The following VGLL4 variants were observed in gnomAD, a reference collection of about 807,000 sequenced individuals.
VGLL4 encodes vestigial like family member 4.
VGLL4 carries 7 observed loss-of-function variants against 21.0 expected under a neutral mutation model. The observed-to-expected ratio is 0.33, with a 90% CI of 0.19 to 0.63. VGLL4 has a LOEUF of 0.63. Ranked by LOEUF, VGLL4 falls within the 20% of genes least tolerant of loss-of-function variation. VGLL4 has a pLI of 0.78. For missense variants in VGLL4, 394 were observed against 425.7 expected (o/e 0.93, Z 0.66); for synonymous variants, 222 against 173.2 (o/e 1.28, Z -2.21).
intron 1 of VGLL4, among the ~76,000 whole-genome samples, chr3:11,716,174 T>C (rs1389036631): frequency 6.6e-6 from 1 of 151,700 alleles, no homozygotes; most frequent in African/African-American, 2.4e-5. Context: ...TGGTGGTGGG[T>C]GCCTGTAATC....
At chr3:11,627,436 T>A (rs1292143517) in intron 1 of VGLL4, 3 of 151,408 alleles carry the variant, frequency 2.0e-5, no homozygotes, top group Non-Finnish European at 2.9e-5. Flanking sequence ...AAAAATTAGC[T>A]GGGCGTGGGT....
chr3:11,651,553 G>T (rs550460911), intron 2 of VGLL4, among the ~76,000 whole-genome samples: 1 of 145,708 alleles, frequency 6.9e-6, no homozygotes, highest in South Asian at 2.1e-4. Context: ...CATTATTTTA[G>T]GTTTATTCTA....
chr3:11,602,491 A>G (rs1325210690), intron 1 of VGLL4, among the ~76,000 whole-genome samples: 1 of 152,140 alleles, frequency 6.6e-6, no homozygotes, highest in Non-Finnish European at 1.5e-5. Flanking sequence ...TTCTTTTAAA[A>G]GAATGAGGAA....
intron 2 of VGLL4, chr3:11,582,308 AGC>A (rs1215822579): frequency 1.2e-6 from 2 of 1,601,608 alleles, no homozygotes; most frequent in South Asian, 2.3e-5. Flanking sequence ...ATTGCCAAAG[AGC>A]ATGAAGACAG....
In VGLL4 at chr3:11,719,236, C is replaced by T. The variant is rs912086173; in HGVS notation, c.-14+1158G>A. On this transcript the variant is annotated intron_variant, in intron 1 of 5. Coordinates refer to the VGLL4 transcript ENST00000273038. The surrounding 1 kb of genome is among the most constrained non-coding windows in gnomAD (Gnocchi z 4.0). Reference sequence around the variant, plus strand: ...GAGCCTCCGACTCCCAGGACGTCCTCCGGGAGCCTAGGCGCTTCCGCTCCC... The same window carrying T: ...GAGCCTCCGACTCCCAGGACGTCCTTCGGGAGCCTAGGCGCTTCCGCTCCC... Among the ~76,000 whole-genome samples, 1 of 152,136 alleles carries T rather than the reference C, an allele frequency of 6.6e-6. No homozygotes were observed. Among genetic ancestry groups the T allele is most frequent in the East Asian group, 1.9e-4 (1 of 5,162 alleles).
intron 2 of VGLL4, among the ~76,000 whole-genome samples, chr3:11,673,457 C>T (rs901955301): frequency 6.6e-6 from 1 of 151,506 alleles, no homozygotes; most frequent in East Asian, 1.9e-4. Context: ...TAGACTAGTC[C>T]GGGAGGTCCA....
chr3:11,623,907 A>AT (rs2075308862), intron 1 of VGLL4, among the ~76,000 whole-genome samples: 1 of 151,736 alleles, frequency 6.6e-6, no homozygotes, highest in Admixed American at 6.6e-5. Context: ...CGCTTGGTTA[A>AT]TTTTTTGTAT....
At chr3:11,665,855 T>C (rs1056119316) in intron 2 of VGLL4, among the ~76,000 whole-genome samples, 5 of 152,068 alleles carry the variant, frequency 3.3e-5, no homozygotes, top group African/African-American at 1.2e-4. Flanking sequence ...AGCAGGAAAG[T>C]GCAAGCAAGG....
intron 2 of VGLL4, among the ~76,000 whole-genome samples, chr3:11,682,329 C>T (rs1389847565): frequency 2.0e-5 from 3 of 147,962 alleles, no homozygotes; most frequent in South Asian, 2.2e-4. Flanking sequence ...AGCTTGAACC[C>T]GGGAGGTGGA....
upstream of VGLL4, chr3:11,643,956 G>A (rs373374992): frequency 1.7e-4 from 173 of 993,450 alleles, 3 homozygotes; most frequent in South Asian, 6.6e-3. Context: ...TCTTCCCGCA[G>A]GAGGCCGAGC....
chr3:11,569,224 C>T (rs1394627217), intron 2 of VGLL4, among the ~76,000 whole-genome samples: 2 of 152,210 alleles, frequency 1.3e-5, no homozygotes, highest in Non-Finnish European at 2.9e-5. Flanking sequence ...CATCACCTGA[C>T]GTTCTGAGCC....
chr3:11,674,853 G>A (rs899833834), intron 2 of VGLL4, among the ~76,000 whole-genome samples: 1 of 152,116 alleles, frequency 6.6e-6, no homozygotes, highest in African/African-American at 2.4e-5. Context: ...ATAAGGGGGG[G>A]AAATGGAAAG....
intron 1 of VGLL4, among the ~76,000 whole-genome samples, chr3:11,611,371 G>C (rs62248311): frequency 0.15 from 23,168 of 152,158 alleles, 2,074 homozygotes; most frequent in South Asian, 0.26. Context: ...GAGGATATGG[G>C]AGAAGAGAAG....
rs2073634288 is a variant in VGLL4, at chr3:11,568,453, G to A, written c.273-3434C>T. 6.6e-6 allele frequency among the ~76,000 whole-genome samples: 1 copy of A among 152,222 alleles called. No homozygotes were observed. The highest frequency in any genetic ancestry group is 2.4e-5 in the African/African-American group (1 of 41,460). Reference sequence around the variant, plus strand: ...TGCGCCCACCCTACGCAGGGCAGCAGGGAGAAGGGGACTTCCAGGCCCACT... The same window carrying A: ...TGCGCCCACCCTACGCAGGGCAGCAAGGAGAAGGGGACTTCCAGGCCCACT... On this transcript the variant is annotated intron_variant, in intron 2 of 4. Coordinates refer to ENST00000430365, the MANE Select transcript of VGLL4 (RefSeq NM_001128219.3). The surrounding 1 kb of genome is among the most constrained non-coding windows in gnomAD (Gnocchi z 5.9).
chr3:11,598,983 C>A (rs1387597335), intron 2 of VGLL4, among the ~76,000 whole-genome samples: 3 of 152,152 alleles, frequency 2.0e-5, no homozygotes, highest in African/African-American at 7.2e-5. Context: ...TCATTTATTG[C>A]AGATAACTTC....
chr3:11,577,072 T>C (rs2074073194), intron 2 of VGLL4, among the ~76,000 whole-genome samples: 1 of 152,172 alleles, frequency 6.6e-6, no homozygotes, highest in South Asian at 2.1e-4. Context: ...CTCATGAAGC[T>C]GGGTGACCCA....
intron 2 of VGLL4, among the ~76,000 whole-genome samples, chr3:11,699,300 T>C (rs1052405327): frequency 6.6e-6 from 1 of 152,198 alleles, no homozygotes; most frequent in Admixed American, 6.5e-5. Flanking sequence ...GAAAATACAA[T>C]GCCTGGTTTT....
chr3:11,592,819 C>T (rs928951693), intron 2 of VGLL4, among the ~76,000 whole-genome samples: 1 of 152,128 alleles, frequency 6.6e-6, no homozygotes, highest in African/African-American at 2.4e-5. Flanking sequence ...CGATAGTCTC[C>T]ACCTCATAGA....
At chr3:11,605,736 TG>T (rs1469057416) in intron 1 of VGLL4, among the ~76,000 whole-genome samples, 1 of 152,166 alleles carries the variant, frequency 6.6e-6, no homozygotes, top group Admixed American at 6.5e-5. Flanking sequence ...AACCTGACAG[TG>T]CAGAGCACAA....
Sources: allele counts gnomAD v4.1 joint callset (sites outside exome capture counted in the v4.1 genomes callset), GRCh38; gene constraint gnomAD v4.1.1; non-coding constraint Gnocchi (gnomAD v3.1); transcripts MANE v1.5; gene names NCBI Gene and HGNC (gene_info 2026-07-23, HGNC 2026-07-21).